The following SGSM2 variants were observed in gnomAD, a reference collection of about 807,000 sequenced individuals.
SGSM2 encodes RUN and TBC1 domain containing 1.
SGSM2 carries 89 observed loss-of-function variants against 126.6 expected under a neutral mutation model. That is an observed-to-expected ratio of 0.70 (90% CI 0.59 to 0.84). SGSM2 has a LOEUF of 0.84. Among genes scored for constraint, SGSM2 ranks in the 40% least tolerant of loss-of-function variants. The pLI is 0.00. For missense variants in SGSM2, 1,404 were observed against 1,416.6 expected (o/e 0.99, Z 0.14); for synonymous variants, 614 against 574.3 (o/e 1.07, Z -0.99).
At chr17:2,364,533 C>A in intron 8 of SGSM2, 63 bp from the exon 9 acceptor site, 1 of 1,567,208 alleles carries the variant, frequency 6.4e-7, no homozygotes, top group Non-Finnish European at 8.8e-7. Flanking sequence ...GACCAGGAGA[C>A]AAGGAAGGAA....
intron 19 of SGSM2, chr17:2,376,509 C>A: frequency 1.5e-6 from 1 of 666,874 alleles, no homozygotes; most frequent in Non-Finnish European, 2.5e-6. Context: ...CCCCGCCCCA[C>A]ATACCAAGCG....
At position 2,371,421 on chromosome 17, in the gene SGSM2, T is replaced by C; in HGVS notation, c.1577+6T>C. The C allele has an allele frequency of 6.3e-7, 1 of 1,586,438 alleles. No individual in the cohort carries two copies. Among genetic ancestry groups the C allele is most frequent in the Non-Finnish European group, 8.6e-7 (1 of 1,165,396 alleles). The stretch of plus-strand genomic sequence containing the variant: ...TGTAGCTGCATCCCCGACCGGTGAG[T>C]GGGCAGCGCTCGGCCCCAGCTTCCC... On this transcript the variant is annotated splice_donor_region_variant and intron_variant, in intron 13 of 23. Coordinates refer to ENST00000268989, the MANE Select transcript of SGSM2 (RefSeq NM_014853.3).
intron 9 of SGSM2, 72 bp downstream of exon 9, chr17:2,364,735 G>A: frequency 6.3e-7 from 1 of 1,578,716 alleles, no homozygotes; most frequent in Non-Finnish European, 8.7e-7. Flanking sequence ...ACTGTGCGTG[G>A]GGCCTGTAAG....
At chr17:2,345,716 G>C (rs1288073427) in intron 2 of SGSM2, among the ~76,000 whole-genome samples, 1 of 152,046 alleles carries the variant, frequency 6.6e-6, no homozygotes, top group Non-Finnish European at 1.5e-5. Flanking sequence ...TGCAGCCTCT[G>C]TTTTGGGTTC....
chr17:2,375,894 G>C lies in SGSM2; in HGVS notation c.2484+19G>C. 1 of 1,509,384 alleles carries C rather than the reference G, an allele frequency of 6.6e-7. No homozygotes were observed. Among genetic ancestry groups the C allele is most frequent in the Non-Finnish European group, 8.8e-7 (1 of 1,138,938 alleles). 93.5% of individuals were successfully genotyped at this position (1,509,384 alleles called of 1,614,324 possible). A position where few individuals can be genotyped will look rare whatever the true frequency, so the allele number is the denominator to read the frequency against. On this transcript the variant is annotated intron_variant, in intron 18 of 23. Transcript: ENST00000268989. Reference sequence around the variant, plus strand: ...CTACACTGTGCGTACATGCTCCCCAGGCTGTTCCCAGCCGCCCCAGAGGCC... The same window carrying C: ...CTACACTGTGCGTACATGCTCCCCACGCTGTTCCCAGCCGCCCCAGAGGCC...
At chr17:2,345,378 C>T (rs1004776311) in intron 2 of SGSM2, among the ~76,000 whole-genome samples, 3 of 151,312 alleles carry the variant, frequency 2.0e-5, no homozygotes, top group East Asian at 1.9e-4. Flanking sequence ...GGGCGGATCA[C>T]GAGGTCAGGA....
At chr17:2,352,776 T>C (rs866558465) in intron 2 of SGSM2, among the ~76,000 whole-genome samples, 19,431 of 84,106 alleles carry the variant, frequency 0.23, 2,418 homozygotes, top group East Asian at 0.51. Context: ...TCTTTTTTTT[T>C]TTTTTTTTTT....
At chr17:2,350,457 A>G (rs1370660198) in intron 2 of SGSM2, among the ~76,000 whole-genome samples, 1 of 151,598 alleles carries the variant, frequency 6.6e-6, no homozygotes, top group South Asian at 2.1e-4. Context: ...AAAAAATACA[A>G]AAATGTGCCG....
At chr17:2,360,061 G>A (rs2065247877) in intron 2 of SGSM2, among the ~76,000 whole-genome samples, 1 of 152,210 alleles carries the variant, frequency 6.6e-6, no homozygotes, top group Non-Finnish European at 1.5e-5. Context: ...TCCCCATGTG[G>A]GCCGGGCGCG....
chr17:2,380,671 C>A lies in SGSM2; in HGVS notation c.*1151C>A. The A allele has an allele frequency of 2.9e-6, 1 of 349,494 alleles. No homozygotes were observed. The highest frequency in any genetic ancestry group is 2.8e-5 in the South Asian group (1 of 36,242). 21.6% of individuals were successfully genotyped at this position (349,494 alleles called of 1,614,324 possible). On this transcript the variant is annotated 3_prime_UTR_variant, in exon 24 of 24. Coordinates refer to ENST00000268989, the MANE Select transcript of SGSM2 (RefSeq NM_014853.3). The stretch of plus-strand genomic sequence containing the variant: ...CTTGCTCGGCCATCCCCACTTCCTC[C>A]TCTACCCCAACACATGCAGGCTAGG...
At chr17:2,371,220 A>C (rs780444540) in intron 12 of SGSM2, 42 bp from the exon 13 acceptor site, 14 of 1,585,744 alleles carry the variant, frequency 8.8e-6, no homozygotes, top group Non-Finnish European at 1.2e-5. Flanking sequence ...CTGGGAGAGA[A>C]GGTGTCTCAG....
At chr17:2,344,558 A>G (rs1348295023) in intron 2 of SGSM2, among the ~76,000 whole-genome samples, 1 of 152,182 alleles carries the variant, frequency 6.6e-6, no homozygotes, top group Non-Finnish European at 1.5e-5. Context: ...CAGGTGCCAG[A>G]CACCGTTCAC....
chr17:2,349,353 C>T (rs372949398), intron 2 of SGSM2, among the ~76,000 whole-genome samples: 28 of 148,668 alleles, frequency 1.9e-4, no homozygotes, highest in African/African-American at 6.0e-4. Flanking sequence ...CCAGCCTGGG[C>T]GACAGAGCGA....
chr17:2,371,571 A>T, intron 13 of SGSM2, 156 bp downstream of exon 13: 6 of 856,728 alleles, frequency 7.0e-6, no homozygotes, highest in Non-Finnish European at 1.0e-5. Flanking sequence ...CACGTGACTT[A>T]CAAGTTATGG....
intron 2 of SGSM2, among the ~76,000 whole-genome samples, chr17:2,355,014 ATGG>A (rs1357462815): frequency 8.3e-6 from 1 of 119,846 alleles, no homozygotes; most frequent in Non-Finnish European, 1.7e-5. Flanking sequence ...ATATCTTAGA[ATGG>A]TGGAATCGGG....
Position 2,337,661 on chromosome 17 carries a change from A to G in SGSM2, c.-28A>G, listed in dbSNP as rs999575757. ...CGGCGAGGGCGCGGGGGCTCTGAGG[A>G]CCGCTCGGCGCCGCCTCCTGCCACA... is the stretch of plus-strand genomic sequence containing the variant. On this transcript the variant is annotated 5_prime_UTR_variant, in exon 1 of 24. Coordinates refer to ENST00000268989, the MANE Select transcript of SGSM2 (RefSeq NM_014853.3). This position sits in a 1 kb window ranked among gnomAD's most constrained non-coding sequence, Gnocchi z 5.1. 6.9e-7 allele frequency: 1 copy of G among 1,439,130 alleles called. No homozygotes were observed. The highest frequency in any genetic ancestry group is 3.1e-5 in the East Asian group (1 of 32,648). 89.1% of individuals were successfully genotyped at this position (1,439,130 alleles called of 1,614,324 possible).
Position 2,376,771 on chromosome 17 carries a change from G to C in SGSM2, c.2648G>C (p.Gly883Ala), listed in dbSNP as rs765486158. 1 of 1,614,068 alleles carries C rather than the reference G, an allele frequency of 6.2e-7. No individual in the cohort carries two copies. Among genetic ancestry groups the C allele is most frequent in the South Asian group, 1.1e-5 (1 of 91,086 alleles). The part of the protein sequence containing the change: ...WEHLDVGYVQ[G>A]MCDLLAPLLV... The stretch of plus-strand genomic sequence containing the variant: ...CACCTGGACGTGGGCTATGTGCAGG[G>C]CATGTGCGATCTGCTGGCGCCTCTC... Residue 883 changes from glycine to alanine, a missense_variant, in exon 20 of 24, where the codon GGC becomes GCC. Physicochemically the swap from Gly to Ala is moderately conservative, Grantham distance 60 (BLOSUM62 0). Transcript: ENST00000268989.
At chr17:2,339,591 G>A (rs2064258012) in intron 1 of SGSM2, among the ~76,000 whole-genome samples, 1 of 151,118 alleles carries the variant, frequency 6.6e-6, no homozygotes, top group South Asian at 2.1e-4. Context: ...GCGGGCGAAT[G>A]TAGTCCCAGC....
intron 12 of SGSM2, among the ~76,000 whole-genome samples, chr17:2,370,781 A>G (rs554221896): frequency 3.1e-4 from 47 of 152,300 alleles, no homozygotes; most frequent in African/African-American, 1.1e-3. Flanking sequence ...GGCTTTGAAC[A>G]GTGGGGACTC....
Sources: gnomAD v4.1 joint callset for allele counts (sites outside exome capture counted in the v4.1 genomes callset) on GRCh38, gnomAD v4.1.1 for gene constraint, Gnocchi (gnomAD v3.1) non-coding constraint, MANE v1.5 for transcripts, NCBI Gene and HGNC (gene_info 2026-07-23, HGNC 2026-07-21) for gene names.